RFX3: variants seen among roughly 807,000 people sequenced by gnomAD.
RFX3 encodes the protein regulatory factor X3, also known as transcription factor RFX3.
Under a neutral mutation model 98.6 loss-of-function variants are expected in RFX3, and 14 were observed. That is an observed-to-expected ratio of 0.14 (90% CI 0.09 to 0.22). The LOEUF is 0.22. RFX3 is among the 10% of genes least tolerant of loss of function. The pLI is 1.00. For synonymous variants in RFX3, 383 were observed against 328.4 expected (o/e 1.17, Z -1.80); for missense variants, 639 against 926.9 (o/e 0.69, Z 4.03).
intron 12 of RFX3, among the ~76,000 whole-genome samples, chr9:3,263,326 G>A (rs1479769384): frequency 6.6e-6 from 1 of 152,122 alleles, no homozygotes; most frequent in Admixed American, 6.6e-5. Flanking sequence ...TTCGACATCT[G>A]AGCGTAGCAT....
chr9:3,307,962 T>G (rs1829525882), intron 4 of RFX3, among the ~76,000 whole-genome samples: 2 of 152,214 alleles, frequency 1.3e-5, no homozygotes, highest in Admixed American at 1.3e-4. Flanking sequence ...GAACCAATTT[T>G]CTTTTAAGAT....
intron 3 of RFX3, among the ~76,000 whole-genome samples, chr9:3,336,413 A>T (rs754652336): frequency 7.9e-5 from 12 of 152,154 alleles, no homozygotes; most frequent in Admixed American, 4.6e-4. Flanking sequence ...GCAAAAAAAA[A>T]ATACAATATA....
intron 14 of RFX3, among the ~76,000 whole-genome samples, chr9:3,249,436 T>A (rs1248231414): frequency 2.0e-5 from 3 of 152,156 alleles, no homozygotes; most frequent in African/African-American, 7.2e-5. Context: ...AAACATTGCC[T>A]TTAGTCTTAT....
chr9:3,508,347 T>A (rs1817320710), intron 1 of RFX3, among the ~76,000 whole-genome samples: 1 of 151,996 alleles, frequency 6.6e-6, no homozygotes, highest in Non-Finnish European at 1.5e-5. Flanking sequence ...TCAATATTTG[T>A]ATTTTCCATT....
chr9:3,270,776 G>A, intron 10 of RFX3: 2 of 676,402 alleles, frequency 3.0e-6, no homozygotes, highest in Non-Finnish European at 4.9e-6. Context: ...ATTCCATGAG[G>A]ATGAAATAAC....
chr9:3,473,122 T>A (rs558179212), intron 1 of RFX3, among the ~76,000 whole-genome samples: 40 of 152,272 alleles, frequency 2.6e-4, no homozygotes, highest in Middle Eastern at 3.4e-3. Flanking sequence ...CTTAAGAATC[T>A]CAATGGTAGG....
At chr9:3,430,981 C>G (rs986964814) in intron 1 of RFX3, among the ~76,000 whole-genome samples, 1 of 152,110 alleles carries the variant, frequency 6.6e-6, no homozygotes, top group Non-Finnish European at 1.5e-5. Flanking sequence ...AGAATGCACA[C>G]GGTACCATTT....
At chr9:3,348,373 G>A (rs868154173) in intron 2 of RFX3, among the ~76,000 whole-genome samples, 31 of 151,986 alleles carry the variant, frequency 2.0e-4, no homozygotes, top group African/African-American at 6.5e-4. Flanking sequence ...GGAGTCATAT[G>A]TTGCCACCTG....
chr9:3,524,001 G>A (rs745595236), intron 1 of RFX3, among the ~76,000 whole-genome samples: 3 of 152,096 alleles, frequency 2.0e-5, no homozygotes, highest in Non-Finnish European at 2.9e-5. Flanking sequence ...CACCCTGCTC[G>A]TTGACAATCT....
At chr9:3,484,630 G>C (rs1428154516) in intron 1 of RFX3, among the ~76,000 whole-genome samples, 2 of 152,096 alleles carry the variant, frequency 1.3e-5, no homozygotes, top group African/African-American at 2.4e-5. Context: ...CTTCACATGT[G>C]GTTTTCTACT....
chr9:3,516,542 C>T (rs1028355939), intron 1 of RFX3, among the ~76,000 whole-genome samples: 2 of 152,100 alleles, frequency 1.3e-5, no homozygotes, highest in African/African-American at 4.8e-5. Context: ...AGACCAGGGA[C>T]CCCAAAGTAG....
At chr9:3,452,645 C>T (rs781379812) in intron 1 of RFX3, among the ~76,000 whole-genome samples, 6 of 152,118 alleles carry the variant, frequency 3.9e-5, no homozygotes, top group Non-Finnish European at 7.4e-5. Flanking sequence ...ACAATGGTTG[C>T]TTCTGTGTGG....
At chr9:3,292,061 C>CAAAAAAAAAAAAAAAAAAAAAAAAAAAA (rs58788880) in intron 6 of RFX3, among the ~76,000 whole-genome samples, 3 of 23,946 alleles carry the variant, frequency 1.3e-4, no homozygotes, top group Non-Finnish European at 1.5e-4. Flanking sequence ...GACTCCATCT[C>CAAAAAAAAAAAAAAAAAAAAAAAAAAAA]AAAAAAAAAA....
At chr9:3,458,001 C>G (rs753551857) in intron 1 of RFX3, among the ~76,000 whole-genome samples, 17 of 152,148 alleles carry the variant, frequency 1.1e-4, no homozygotes, top group Admixed American at 5.9e-4. Context: ...AAGTCTTCAT[C>G]AAGGAAATGA....
chr9:3,379,286 G>C (rs957581115), intron 2 of RFX3, among the ~76,000 whole-genome samples: 1 of 152,160 alleles, frequency 6.6e-6, no homozygotes, highest in Non-Finnish European at 1.5e-5. Context: ...AGTTAATCTA[G>C]ATAGGACAAT....
chr9:3,320,013 T>A (rs1282369086), intron 4 of RFX3, among the ~76,000 whole-genome samples: 4 of 152,184 alleles, frequency 2.6e-5, no homozygotes, highest in Admixed American at 6.5e-5. Flanking sequence ...AAATGAGGAC[T>A]TTATCTGAAA....
At chr9:3,442,261 G>T (rs921395280) in intron 1 of RFX3, among the ~76,000 whole-genome samples, 4 of 151,738 alleles carry the variant, frequency 2.6e-5, no homozygotes, top group African/African-American at 9.7e-5. Context: ...ATTACCTTAG[G>T]TAATCAAGGT....
At chr9:3,524,480 GT>G (rs1819014798) in intron 1 of RFX3, 2 of 970,562 alleles carry the variant, frequency 2.1e-6, no homozygotes, top group Non-Finnish European at 2.4e-6. Flanking sequence ...ATATACACAC[GT>G]TTCAAGTTGA....
intron 4 of RFX3, among the ~76,000 whole-genome samples, chr9:3,309,187 G>T (rs889640941): frequency 2.6e-5 from 4 of 152,130 alleles, no homozygotes; most frequent in Admixed American, 6.5e-5. Flanking sequence ...CTACAGCAGT[G>T]AAGGGAACTT....
Sources: allele counts gnomAD v4.1 joint callset (sites outside exome capture counted in the v4.1 genomes callset), GRCh38; gene constraint gnomAD v4.1.1; transcripts MANE v1.5; gene names NCBI Gene and HGNC (gene_info 2026-07-23, HGNC 2026-07-21).